GEMIN5: variants seen among roughly 807,000 people sequenced by gnomAD.
GEMIN5 encodes gem-associated protein 5.
In GEMIN5, 124 loss-of-function variants were observed where a neutral mutation model predicts 176.9. That is an observed-to-expected ratio of 0.70 (90% confidence interval 0.61 to 0.81). The LOEUF (loss-of-function observed/expected upper bound fraction) is 0.81. Ranked by LOEUF, GEMIN5 falls within the 40% of genes least tolerant of loss-of-function variation. The pLI is 0.00. For synonymous variants in GEMIN5, 673 were observed against 665.2 expected, an observed-to-expected ratio of 1.01 and a Z score of -0.18; for missense variants, 1,843 against 1,814.6, an observed-to-expected ratio of 1.02 and a Z score of -0.28.
At chr5:154,914,585 C>CTAACT (rs1186549871) in intron 13 of GEMIN5, among the ~76,000 whole-genome samples, 1 of 148,600 alleles carries the variant, frequency 6.7e-6, no homozygotes, top group Non-Finnish European at 1.5e-5. Flanking sequence ...AGTCATATAG[C>CTAACT]TAACTGTAGC....
intron 13 of GEMIN5, among the ~76,000 whole-genome samples, chr5:154,913,798 C>A (rs954956219): frequency 6.6e-6 from 1 of 151,878 alleles, no homozygotes; most frequent in Admixed American, 6.5e-5. Flanking sequence ...GCCTGGGTGA[C>A]AGAGTGAGAC....
At chr5:154,908,498 T>C (rs1274551320) in intron 15 of GEMIN5, among the ~76,000 whole-genome samples, 1 of 152,158 alleles carries the variant, frequency 6.6e-6, no homozygotes, top group Non-Finnish European at 1.5e-5. Context: ...ATGTCTTTTA[T>C]AGCAAAAGGA....
At chr5:154,930,536 G>A (rs1764138811) in intron 5 of GEMIN5, among the ~76,000 whole-genome samples, 1 of 152,120 alleles carries the variant, frequency 6.6e-6, no homozygotes, top group African/African-American at 2.4e-5. Context: ...GCTGACATAC[G>A]GTACCAACAT....
chr5:154,920,107 TATGAAATAAGAAAAGA>T lies in GEMIN5; in HGVS notation c.1463-20_1463-5del. The T allele has an allele frequency of 6.2e-7, 1 of 1,605,660 alleles. No individual in the cohort carries two copies. On this transcript the variant is annotated splice_polypyrimidine_tract_variant and splice_region_variant and intron_variant, in intron 10 of 27. Coordinates refer to ENST00000285873, the MANE Select transcript of GEMIN5 (RefSeq NM_015465.5). Reference sequence around the variant, plus strand: ...GAAGGTCTGTCTCCTTCTCCTCCTGTATGAAATAAGAAAAGAAACTTATCAGTTTTGTACTTCATCA... The same window carrying T: ...GAAGGTCTGTCTCCTTCTCCTCCTGTAACTTATCAGTTTTGTACTTCATCA...
intron 5 of GEMIN5, 61 bp downstream of exon 5, chr5:154,931,396 GA>G (rs1419005724): frequency 1.3e-6 from 2 of 1,516,178 alleles, no homozygotes; most frequent in Non-Finnish European, 8.9e-7. Flanking sequence ...AATAAGAACA[GA>G]AAACCCTCTA....
intron 15 of GEMIN5, among the ~76,000 whole-genome samples, chr5:154,909,247 C>T (rs1368685154): frequency 6.9e-6 from 1 of 144,760 alleles, no homozygotes; most frequent in South Asian, 2.1e-4. Context: ...GGATTACAGG[C>T]GTGAGCTACT....
intron 23 of GEMIN5, among the ~76,000 whole-genome samples, chr5:154,897,363 G>A (rs1763371518): frequency 6.6e-6 from 1 of 152,198 alleles, no homozygotes; most frequent in Non-Finnish European, 1.5e-5. Context: ...ACATGTTTCA[G>A]AAACTAGGTA....
chr5:154,918,021 A>G lies in GEMIN5; in HGVS notation c.1600-17T>C. The G allele has an allele frequency of 2.6e-6, 4 of 1,524,052 alleles. No homozygotes were observed. Among genetic ancestry groups the G allele is most frequent in the Non-Finnish European group, 3.6e-6 (4 of 1,098,366 alleles). 94.4% of individuals were successfully genotyped at this position (1,524,052 alleles called of 1,614,324 possible). A position where few individuals can be genotyped will look rare whatever the true frequency, so the allele number is the denominator to read the frequency against. On this transcript the variant is annotated splice_polypyrimidine_tract_variant and intron_variant, in intron 11 of 27. Transcript: ENST00000285873. ...CAATTTGTACTAGAAAGCAAAACAA[A>G]CCAATCTTGACTATATACATATCTC...
chr5:154,937,052 T>A lies in GEMIN5; in HGVS notation c.300A>T (p.Thr100=), dbSNP rs982960228. 1.9e-6 allele frequency: 3 copies of A among 1,613,870 alleles called. No homozygotes were observed. The East Asian group carries it at 6.7e-5, about 36-fold the overall frequency. Residue 100 remains threonine (T), a synonymous_variant, in exon 2 of 28, where the codon ACA becomes ACT. Transcript: ENST00000285873. The part of the protein sequence containing the change: ...TVKIWDVETK[T]VVTEHALHQH... ...GATGGAGTGCATGTTCTGTCACAAC[T>A]GTTTTTGTCTCTACATCCCATATTT...
At chr5:154,937,332 A>AT (rs1343694875) in intron 1 of GEMIN5, 147 bp from the exon 2 acceptor site, 7 of 655,408 alleles carry the variant, frequency 1.1e-5, no homozygotes, top group Admixed American at 2.8e-5. Context: ...TTACACTCAG[A>AT]ATTCCCAAGT....
At chr5:154,928,982 G>C (rs1764103345) in intron 5 of GEMIN5, among the ~76,000 whole-genome samples, 2 of 151,276 alleles carry the variant, frequency 1.3e-5, no homozygotes, top group South Asian at 4.2e-4. Context: ...CCAGCACTTT[G>C]AGAGGCCGAG....
chr5:154,903,195 A>G lies in GEMIN5; in HGVS notation c.2633-20T>C. 6.7e-7 allele frequency: 1 copy of G among 1,483,434 alleles called. No homozygotes were observed. The allele number at this position is 1,483,434 out of a possible 1,614,324, so 91.9% of individuals were successfully genotyped here. ...TCAGCTCTGTTAATTTAAAAAGGCA[A>G]AAAAATCAGATGAAGTCATTACATT... is the stretch of plus-strand genomic sequence containing the variant. On this transcript the variant is annotated intron_variant, in intron 18 of 27. Transcript: ENST00000285873.
rs528852694 is a variant in GEMIN5 at position 154,915,152 on chromosome 5, T to C, written c.1855+1846A>G. Among the ~76,000 whole-genome samples, 11 of 152,346 alleles carry C rather than the reference T, an allele frequency of 7.2e-5. No individual in the cohort carries two copies. The East Asian group carries it at 2.1e-3, about 29-fold the overall frequency. On this transcript the variant is annotated intron_variant, in intron 13 of 27. Coordinates refer to ENST00000285873, the MANE Select transcript of GEMIN5 (RefSeq NM_015465.5). ...TTCATTAGTTATACACTGTCTACTA[T>C]TTATTACTAGGAAAACACATCTACA...
At chr5:154,933,371 T>C (rs1192229535) in intron 3 of GEMIN5, among the ~76,000 whole-genome samples, 2 of 152,258 alleles carry the variant, frequency 1.3e-5, no homozygotes, top group African/African-American at 2.4e-5. Flanking sequence ...TCCATGTTGA[T>C]ACACGTAACT....
rs923240660 is a variant in GEMIN5 at position 154,899,254 on chromosome 5, T to C, written c.3071A>G (p.Asp1024Gly). The C allele has an allele frequency of 5.0e-6, 8 of 1,613,208 alleles. No homozygotes were observed. Among genetic ancestry groups the C allele is most frequent in the Middle Eastern group, 1.6e-4 (1 of 6,084 alleles). The change falls in exon 22 of 28, where the codon GAC becomes GGC. Residue 1024 changes from aspartate (D) to glycine (G), a missense_variant. Asp to Gly is a moderately conservative substitution (Grantham distance 94, BLOSUM62 -1). Transcript: ENST00000285873. ...RLRPEDPVLK[D>G]LYLSWGTVLE... ...GACGGTTCCCCAGCTGAGGTACAAG[T>C]CCTTCAGGACTGGGTCCTCCGGGCG...
At chr5:154,903,458 A>G (rs530942295) in intron 18 of GEMIN5, among the ~76,000 whole-genome samples, 20 of 152,350 alleles carry the variant, frequency 1.3e-4, no homozygotes, top group African/African-American at 4.3e-4. Context: ...ACTTACCACA[A>G]GGGGATTCAA....
chr5:154,889,052 AT>A (rs1244469377), intron 27 of GEMIN5, among the ~76,000 whole-genome samples: 3 of 151,914 alleles, frequency 2.0e-5, no homozygotes, highest in Non-Finnish European at 2.9e-5. Flanking sequence ...AATATTTTGT[AT>A]TTTTAGTAGA....
Position 154,907,576 on chromosome 5 carries a change from G to A in GEMIN5, c.2395+15C>T. 6.3e-7 allele frequency: 1 copy of A among 1,594,984 alleles called. No homozygotes were observed. The highest frequency in any genetic ancestry group is 1.7e-5 in the Admixed American group (1 of 59,984). ...ACCATGAAATCCTAGTGATACACAG[G>A]ATTCTGCCACATACCCGCTGGAGCA... On this transcript the variant is annotated intron_variant, in intron 16 of 27. Coordinates refer to ENST00000285873, the MANE Select transcript of GEMIN5 (RefSeq NM_015465.5).
rs1763232937 is a variant in GEMIN5, at chr5:154,891,734, G to A, written c.3769C>T (p.His1257Tyr). 2 of 1,583,596 alleles carry A rather than the reference G, an allele frequency of 1.3e-6. No homozygotes were observed. The highest frequency in any genetic ancestry group is 1.7e-6 in the Non-Finnish European group (2 of 1,171,064). Reference sequence around the variant, plus strand: ...TGGTCCCCCAACTTGTCTCTTAGGTGGTCACAGCCTAGGAAAAGAGGAAAA... The same window carrying A: ...TGGTCCCCCAACTTGTCTCTTAGGTAGTCACAGCCTAGGAAAAGAGGAAAA... ...YSAFLPDGCD[H>Y]LRDKLGDHQS... Residue 1257 changes from histidine to tyrosine, a missense_variant, in exon 26 of 28, where the codon CAC (histidine) becomes TAC (tyrosine). Physicochemically the swap from His to Tyr is moderately conservative, Grantham distance 83 (BLOSUM62 2). Transcript: ENST00000285873.
Sources: gnomAD v4.1 joint callset for allele counts (sites outside exome capture counted in the v4.1 genomes callset) on GRCh38, gnomAD v4.1.1 for gene constraint, MANE v1.5 for transcripts, NCBI Gene and HGNC (gene_info 2026-07-23, HGNC 2026-07-21) for gene names.